The following DPP10 variants were observed in gnomAD, a reference collection of about 807,000 sequenced individuals.
DPP10 encodes the protein inactive dipeptidyl peptidase 10.
DPP10 carries 33 observed loss-of-function variants against 120.9 expected under a neutral mutation model. The observed-to-expected ratio is 0.27, with a 90% CI of 0.21 to 0.37. The LOEUF is 0.37. DPP10 is among the 10% of genes least tolerant of loss of function. The pLI is 1.00. For synonymous variants in DPP10, 337 were observed against 326.1 expected, an observed-to-expected ratio of 1.03 and a Z score of -0.36; for missense variants, 816 against 942.8, an observed-to-expected ratio of 0.87 and a Z score of 1.76.
chr2:115,423,305 A>G (rs2070151364), intron 3 of DPP10, among the ~76,000 whole-genome samples: 1 of 152,144 alleles, frequency 6.6e-6, no homozygotes. Flanking sequence ...AAGTACTCAA[A>G]GCCAAATGTG....
chr2:115,737,721 G>T (rs1676740880), intron 8 of DPP10, among the ~76,000 whole-genome samples: 3 of 152,130 alleles, frequency 2.0e-5, no homozygotes, highest in Admixed American at 2.0e-4. Context: ...GAGAACATAT[G>T]TCAATGCGGC....
chr2:114,466,504 T>C (rs2104590438), intron 1 of DPP10, among the ~76,000 whole-genome samples: 1 of 152,282 alleles, frequency 6.6e-6, no homozygotes, highest in Non-Finnish European at 1.5e-5. Flanking sequence ...TTTCCGGGAT[T>C]TGAATCTGTC....
chr2:115,654,452 A>G (rs1426898417), intron 5 of DPP10, among the ~76,000 whole-genome samples: 2 of 151,930 alleles, frequency 1.3e-5, no homozygotes, highest in Non-Finnish European at 2.9e-5. Context: ...TTTCCTAATT[A>G]TTATTCAGGG....
chr2:115,195,803 C>T (rs2055219538), intron 1 of DPP10, among the ~76,000 whole-genome samples: 1 of 152,144 alleles, frequency 6.6e-6, no homozygotes, highest in Admixed American at 6.5e-5. Flanking sequence ...TCGGGACACT[C>T]TTCCCTCCAC....
intron 1 of DPP10, among the ~76,000 whole-genome samples, chr2:114,637,835 T>C (rs987417927): frequency 1.3e-5 from 2 of 151,822 alleles, no homozygotes; most frequent in African/African-American, 4.9e-5. Context: ...TTCTGTTCCA[T>C]TGGTCTGTAT....
Position 114,881,900 on chromosome 2 carries a change from G to A in DPP10, c.61-427339G>A, listed in dbSNP as rs139341056. ...TATATGCTGAGAGCAAATAAACTGAGTCAGTAATATACATAATGATCATCA... is the reference window on the plus strand; with the variant it reads ...TATATGCTGAGAGCAAATAAACTGAATCAGTAATATACATAATGATCATCA... On this transcript the variant is annotated intron_variant, in intron 1 of 25. Transcript: ENST00000410059. Among the ~76,000 whole-genome samples the A allele has an allele frequency of 3.6e-3, 554 of 152,162 alleles. 3 individuals carry two copies. The highest frequency in any genetic ancestry group is 0.013 in the African/African-American group (532 of 41,498).
At chr2:115,394,446 C>T (rs2067529377) in intron 3 of DPP10, among the ~76,000 whole-genome samples, 1 of 141,522 alleles carries the variant, frequency 7.1e-6, no homozygotes, top group East Asian at 2.0e-4. Flanking sequence ...CTATTATAGG[C>T]TGCTACATGT....
At chr2:115,063,239 T>C (rs1040494531) in intron 1 of DPP10, among the ~76,000 whole-genome samples, 1 of 152,184 alleles carries the variant, frequency 6.6e-6, no homozygotes, top group Non-Finnish European at 1.5e-5. Context: ...AATGGGGTTG[T>C]TTTTTCCTCG....
At chr2:114,474,395 C>T (rs1378653966) in intron 1 of DPP10, among the ~76,000 whole-genome samples, 1 of 152,242 alleles carries the variant, frequency 6.6e-6, no homozygotes, top group Non-Finnish European at 1.5e-5. Flanking sequence ...GCCAACCACA[C>T]TGGCCCTTCT....
chr2:115,225,670 A>C (rs2057399950), intron 1 of DPP10, among the ~76,000 whole-genome samples: 1 of 152,096 alleles, frequency 6.6e-6, no homozygotes, highest in Non-Finnish European at 1.5e-5. Flanking sequence ...AGATGAACAT[A>C]ATAAATCAAG....
intron 1 of DPP10, among the ~76,000 whole-genome samples, chr2:114,933,063 T>C (rs968164896): frequency 2.6e-5 from 4 of 152,202 alleles, no homozygotes; most frequent in Non-Finnish European, 5.9e-5. Flanking sequence ...ATAGACATAG[T>C]CTCATTTATT....
intron 3 of DPP10, among the ~76,000 whole-genome samples, chr2:115,495,647 C>G (rs1468392753): frequency 6.6e-6 from 1 of 151,982 alleles, no homozygotes; most frequent in Non-Finnish European, 1.5e-5. Context: ...CTATGTTTTT[C>G]TTTTTGTCAG....
At chr2:114,751,129 G>A (rs1258428637) in intron 1 of DPP10, among the ~76,000 whole-genome samples, 3 of 152,218 alleles carry the variant, frequency 2.0e-5, no homozygotes, top group African/African-American at 7.2e-5. Flanking sequence ...ATGTGGAAAT[G>A]GCAAAGAGGT....
intron 1 of DPP10, among the ~76,000 whole-genome samples, chr2:115,088,755 A>AAAAAAC (rs1168046909): frequency 6.7e-6 from 1 of 149,630 alleles, no homozygotes; most frequent in Non-Finnish European, 1.5e-5. Flanking sequence ...CCTGACAAAA[A>AAAAAAC]AAAAAAAAAA....
At chr2:115,313,685 A>G (rs1168715987) in intron 2 of DPP10, among the ~76,000 whole-genome samples, 1 of 152,252 alleles carries the variant, frequency 6.6e-6, no homozygotes. Flanking sequence ...AAATTTTATT[A>G]CAGAAGTAGT....
intron 1 of DPP10, among the ~76,000 whole-genome samples, chr2:114,599,483 A>G (rs917924096): frequency 2.0e-5 from 3 of 151,738 alleles, no homozygotes; most frequent in African/African-American, 7.2e-5. Context: ...TATAGTACAT[A>G]CTTGTTTGTT....
intron 7 of DPP10, among the ~76,000 whole-genome samples, chr2:115,705,126 T>A (rs189590871): frequency 9.5e-4 from 144 of 152,130 alleles, no homozygotes; most frequent in African/African-American, 3.2e-3. Context: ...TGGTTTAGTT[T>A]CTTTGGGAGA....
intron 2 of DPP10, among the ~76,000 whole-genome samples, chr2:115,312,896 A>G (rs987014726): frequency 3.9e-5 from 6 of 152,142 alleles, no homozygotes; most frequent in African/African-American, 1.4e-4. Context: ...GCCTTTTAGG[A>G]CAAGGCCTGC....
intron 5 of DPP10, among the ~76,000 whole-genome samples, chr2:115,660,027 T>C (rs888302871): frequency 6.6e-5 from 10 of 152,196 alleles, no homozygotes; most frequent in Non-Finnish European, 1.0e-4. Context: ...AAATACTTTG[T>C]ACTAGGATTT....
Sources: allele counts gnomAD v4.1 joint callset (sites outside exome capture counted in the v4.1 genomes callset), GRCh38; gene constraint gnomAD v4.1.1; transcripts MANE v1.5; gene names NCBI Gene and HGNC (gene_info 2026-07-23, HGNC 2026-07-21).